The following CYB561 variants were observed in gnomAD, a reference collection of about 807,000 sequenced individuals.
CYB561 encodes cytochrome b561.
In CYB561, 11 loss-of-function variants were observed where a neutral mutation model predicts 25.3. That is an observed-to-expected ratio of 0.44 (90% confidence interval 0.27 to 0.72). The LOEUF is 0.72. Among genes scored for constraint, CYB561 ranks in the 30% least tolerant of loss-of-function variants. The probability of loss-of-function intolerance (pLI) is 0.18; values close to 1 mark genes in which losing one functional copy is unlikely to be tolerated. For synonymous variants in CYB561, 165 were observed against 158.8 expected (o/e 1.04, Z -0.29); for missense variants, 295 against 334.9 (o/e 0.88, Z 0.93).
Position 63,435,283 on chromosome 17 carries a change from G to A in CYB561, c.406-40C>T, listed in dbSNP as rs199915278. ...GAGACGGTTCCGGGACAGGGCGGCC[G>A]GACACCCCAGCAGCCGAGGTCGGCC... On this transcript the variant is annotated intron_variant, in intron 4 of 5. Transcript: ENST00000360793. 489 of 1,600,376 alleles carry A rather than the reference G, an allele frequency of 3.1e-4. 1 individual carries two copies. In the African/African-American group the frequency reaches 5.8e-3, roughly 19 times the overall value.
chr17:63,435,645 C>A lies in CYB561; in HGVS notation c.405+43G>T, dbSNP rs750588977. 4.0e-6 allele frequency: 6 copies of A among 1,493,142 alleles called. No homozygotes were observed. In the South Asian group the frequency reaches 6.8e-5, roughly 17 times the overall value. The allele number at this position is 1,493,142 out of a possible 1,614,324, so 92.5% of individuals were successfully genotyped here. On this transcript the variant is annotated intron_variant, in intron 4 of 5. Transcript: ENST00000360793. ...CCCAGCTCCCCTCCTCCTCCCACCT[C>A]CCTGGTAGGTGGCCCCAGGCCCGGG...
At position 63,433,719 on chromosome 17, in the gene CYB561, G is replaced by A; in HGVS notation, c.*683C>T. Reference sequence around the variant, plus strand: ...CCTGGGAGGAGGCCCGCCTGCATCTGCCAAGAGAAAGTCTGTCTGAAGTCA... The same window carrying A: ...CCTGGGAGGAGGCCCGCCTGCATCTACCAAGAGAAAGTCTGTCTGAAGTCA... On this transcript the variant is annotated 3_prime_UTR_variant, in exon 6 of 6. Transcript: ENST00000360793. The A allele has an allele frequency of 3.7e-6, 1 of 270,598 alleles. No homozygotes were observed. The highest frequency in any genetic ancestry group is 6.8e-6 in the Non-Finnish European group (1 of 146,094). 16.8% of individuals were successfully genotyped at this position (270,598 alleles called of 1,614,324 possible). A position where few individuals can be genotyped will look rare whatever the true frequency, so the allele number is the denominator to read the frequency against.
chr17:63,445,651 C>T (rs1209201480), intron 1 of CYB561, among the ~76,000 whole-genome samples: 1 of 152,182 alleles, frequency 6.6e-6, no homozygotes, highest in Non-Finnish European at 1.5e-5. Context: ...GGCAGCTCCG[C>T]CCTCAGCGCA....
At position 63,436,189 on chromosome 17, in the gene CYB561, C is replaced by T. The variant is rs1284404079; in HGVS notation, c.203-37G>A. 1.9e-6 allele frequency: 3 copies of T among 1,605,168 alleles called. No individual in the cohort carries two copies. Among genetic ancestry groups the T allele is most frequent in the Admixed American group, 3.3e-5 (2 of 59,722 alleles). ...GAGAGAGGGAACGTGAGTGCATCCG[C>T]CTGTGCGTGAGGCCTCCTGCCCCAG... On this transcript the variant is annotated intron_variant, in intron 2 of 5. Transcript: ENST00000360793. The surrounding 1 kb of genome is among the most constrained non-coding windows in gnomAD (Gnocchi z 4.8).
rs2049232150 is a variant in CYB561, at chr17:63,432,363, A to C, written c.*2039T>G. 6.6e-6 allele frequency: 1 copy of C among 152,214 alleles called. No homozygotes were observed. Among genetic ancestry groups the C allele is most frequent in the Non-Finnish European group, 1.5e-5 (1 of 68,034 alleles). 9.4% of individuals were successfully genotyped at this position (152,214 alleles called of 1,614,324 possible). On this transcript the variant is annotated 3_prime_UTR_variant, in exon 6 of 6. Coordinates refer to ENST00000360793, the MANE Select transcript of CYB561 (RefSeq NM_001915.4). ...CCAACAGCACATTGTATTTCACAGA[A>C]GATTGGCCACAGGCAAAATAAAATA...
At chr17:63,438,296 A>T (rs1053657023) in intron 1 of CYB561, 6 of 1,277,046 alleles carry the variant, frequency 4.7e-6, no homozygotes, top group Non-Finnish European at 6.5e-6. Flanking sequence ...CCTTGACGGG[A>T]AGGAAGGGGC....
In CYB561 at chr17:63,439,564, G is replaced by GGT. The variant is rs1292360170; in HGVS notation, c.-13-2006_-13-2005dup. ...AATTTTTTTTAATTAAAAAAAAAAG[G>GGT]GTGTGTGTGTGTGCTAATAATCCAC... On this transcript the variant is annotated intron_variant, in intron 1 of 5. Transcript: ENST00000360793. Among the ~76,000 whole-genome samples, 19 of 151,904 alleles carry GGT rather than the reference G, an allele frequency of 1.3e-4. No homozygotes were observed. In the East Asian group the frequency reaches 3.1e-3, roughly 25 times the overall value.
chr17:63,443,166 C>A (rs1413673349), intron 1 of CYB561, among the ~76,000 whole-genome samples: 1 of 152,160 alleles, frequency 6.6e-6, no homozygotes, highest in Non-Finnish European at 1.5e-5. Flanking sequence ...TATTAGGGTA[C>A]TTTCTTAGCA....
rs2049299655 is a variant in CYB561 at position 63,436,277 on chromosome 17, T to C, written c.203-125A>G. The C allele has an allele frequency of 8.1e-7, 1 of 1,234,910 alleles. No individual in the cohort carries two copies. The highest frequency in any genetic ancestry group is 1.1e-6 in the Non-Finnish European group (1 of 895,442). 76.5% of individuals were successfully genotyped at this position (1,234,910 alleles called of 1,614,324 possible). ...TGACGGCTTGTAACAGGAGCCTAGC[T>C]GCAGGAACCGGAGGAGAAAGCCAGG... On this transcript the variant is annotated intron_variant, in intron 2 of 5. Transcript: ENST00000360793. This position sits in a 1 kb window ranked among gnomAD's most constrained non-coding sequence, Gnocchi z 4.8.
intron 4 of CYB561, 189 bp from the exon 5 acceptor site, chr17:63,435,432 C>T (rs1268242042): frequency 2.2e-5 from 15 of 684,240 alleles, no homozygotes; most frequent in Middle Eastern, 4.1e-4. Flanking sequence ...GGTCCCCCAA[C>T]GCTTGAGGCC....
chr17:63,438,098 C>T (rs1182101374), intron 1 of CYB561: 1 of 1,533,852 alleles, frequency 6.5e-7, no homozygotes, highest in Non-Finnish European at 8.7e-7. Context: ...AGGGGCCCAG[C>T]CTCCCCACGG....
chr17:63,433,235 GTGTT>G lies in CYB561; in HGVS notation c.*1163_*1166del, dbSNP rs774629577. 5.1e-6 allele frequency: 2 copies of G among 395,050 alleles called. No homozygotes were observed. Among genetic ancestry groups the G allele is most frequent in the Admixed American group, 4.4e-5 (1 of 22,614 alleles). 24.5% of individuals were successfully genotyped at this position (395,050 alleles called of 1,614,324 possible). ...TTTTTAGTAGAGACGGGGTTTCACTGTGTTTGTTAGTCAGGATGGTCTTGATCTC... is the reference window on the plus strand; with the variant it reads ...TTTTTAGTAGAGACGGGGTTTCACTGTGTTAGTCAGGATGGTCTTGATCTC... On this transcript the variant is annotated 3_prime_UTR_variant, in exon 6 of 6. Coordinates refer to ENST00000360793, the MANE Select transcript of CYB561 (RefSeq NM_001915.4).
chr17:63,436,452 A>G lies in CYB561; in HGVS notation c.203-300T>C. ...CTGCACCACAGTCCCCACCACCAGG[A>G]CAGGCAGTGAAGGCAGCGCCTCTGC... is the stretch of plus-strand genomic sequence containing the variant. On this transcript the variant is annotated intron_variant, in intron 2 of 5. Coordinates refer to ENST00000360793, the MANE Select transcript of CYB561 (RefSeq NM_001915.4). The surrounding 1 kb of genome is among the most constrained non-coding windows in gnomAD (Gnocchi z 4.8). The G allele has an allele frequency of 3.1e-6, 1 of 321,518 alleles. No individual in the cohort carries two copies. The highest frequency in any genetic ancestry group is 4.2e-5 in the South Asian group (1 of 23,822). 19.9% of individuals were successfully genotyped at this position (321,518 alleles called of 1,614,324 possible).
chr17:63,437,975 G>A (rs769348167), intron 1 of CYB561: 5 of 93,454 alleles, frequency 5.4e-5, no homozygotes, highest in African/African-American at 2.8e-4. Context: ...CGGCGGCCCC[G>A]CCACCCTCCC....
At position 63,436,007 on chromosome 17, in the gene CYB561, C is replaced by G. The variant is rs1386530347; in HGVS notation, c.301+47G>C. Reference sequence around the variant, plus strand: ...CAGGTGAAGCGGCTGTTTGCCATACCTGAAGAGGCAGGCAGGTGGCGGGGA... The same window carrying G: ...CAGGTGAAGCGGCTGTTTGCCATACGTGAAGAGGCAGGCAGGTGGCGGGGA... On this transcript the variant is annotated intron_variant, in intron 3 of 5. Transcript: ENST00000360793. This position sits in a 1 kb window ranked among gnomAD's most constrained non-coding sequence, Gnocchi z 4.8. 1 of 1,613,304 alleles carries G rather than the reference C, an allele frequency of 6.2e-7. No homozygotes were observed. Among genetic ancestry groups the G allele is most frequent in the Non-Finnish European group, 8.5e-7 (1 of 1,179,818 alleles).
At chr17:63,439,532 C>A (rs1353162032) in intron 1 of CYB561, among the ~76,000 whole-genome samples, 3 of 147,686 alleles carry the variant, frequency 2.0e-5, no homozygotes, top group African/African-American at 7.5e-5. Context: ...GACTCTGTCT[C>A]AAAAAAAATT....
At position 63,434,956 on chromosome 17, in the gene CYB561, CA is replaced by C. The variant is rs1469798879; in HGVS notation, c.563+129del. 1.2e-5 allele frequency: 12 copies of C among 998,346 alleles called. No homozygotes were observed. In the African/African-American group the frequency reaches 2.0e-4, roughly 16 times the overall value. The allele number at this position is 998,346 out of a possible 1,614,324, so 61.8% of individuals were successfully genotyped here. ...CCCCAAGCACCCAAATCTTAGCAAG[CA>C]TAACTACAGCCACCAGTTGTGACGC... On this transcript the variant is annotated intron_variant, in intron 5 of 5. Transcript: ENST00000360793.
intron 1 of CYB561, among the ~76,000 whole-genome samples, chr17:63,441,170 G>A (rs767891536): frequency 2.6e-4 from 40 of 152,340 alleles, no homozygotes; most frequent in Middle Eastern, 3.4e-3. Flanking sequence ...TGAAATGCCC[G>A]GCCTGGCCTC....
Position 63,436,288 on chromosome 17 carries a change from G to C in CYB561, c.203-136C>G, listed in dbSNP as rs563000451. 10 of 1,170,328 alleles carry C rather than the reference G, an allele frequency of 8.5e-6. No homozygotes were observed. The highest frequency in any genetic ancestry group is 1.2e-5 in the Non-Finnish European group (10 of 841,904). The allele number at this position is 1,170,328 out of a possible 1,614,324, so 72.5% of individuals were successfully genotyped here. A position where few individuals can be genotyped will look rare whatever the true frequency, so the allele number is the denominator to read the frequency against. ...AACAGGAGCCTAGCTGCAGGAACCG[G>C]AGGAGAAAGCCAGGTTCCCTGGGGA... On this transcript the variant is annotated intron_variant, in intron 2 of 5. Coordinates refer to ENST00000360793, the MANE Select transcript of CYB561 (RefSeq NM_001915.4). This position sits in a 1 kb window ranked among gnomAD's most constrained non-coding sequence, Gnocchi z 4.8.
Sources: gnomAD v4.1 joint callset for allele counts (sites outside exome capture counted in the v4.1 genomes callset) on GRCh38, gnomAD v4.1.1 for gene constraint, Gnocchi (gnomAD v3.1) non-coding constraint, MANE v1.5 for transcripts, NCBI Gene and HGNC (gene_info 2026-07-23, HGNC 2026-07-21) for gene names.